MAN2B2: variants seen among roughly 807,000 people sequenced by gnomAD.
MAN2B2 encodes the protein mannosidase alpha class 2B member 2.
MAN2B2 carries 106 observed loss-of-function variants against 117.1 expected under a neutral mutation model. The ratio of observed to expected loss-of-function variants is 0.90; its 90% CI spans 0.77 to 1.06. The LOEUF is 1.06. Among genes scored for constraint, MAN2B2 ranks in the 50% least tolerant of loss-of-function variants. The probability of loss-of-function intolerance (pLI) is 0.00; values close to 1 mark genes in which losing one functional copy is unlikely to be tolerated. For synonymous variants in MAN2B2, 544 were observed against 595.1 expected (o/e 0.91, Z 1.25); for missense variants, 1,326 against 1,381.4 (o/e 0.96, Z 0.64).
intron 11 of MAN2B2, among the ~76,000 whole-genome samples, chr4:6,608,606 CATGATGTCA>C (rs1727637105): frequency 6.6e-6 from 1 of 152,178 alleles, no homozygotes; most frequent in Non-Finnish European, 1.5e-5. Flanking sequence ...ATCTTGGGTA[CATGATGTCA>C]CAACTTCCAG....
rs189924425 is a variant in MAN2B2 at position 6,585,173 on chromosome 4, C to G, written c.392-1823C>G. On this transcript the variant is annotated intron_variant, in intron 3 of 18. Transcript: ENST00000285599. ...TGCTGTGCACCTGATGCCAGCCCCA[C>G]TCCTCACCTCCCACAGTCATCCCCT... is the stretch of plus-strand genomic sequence containing the variant. Among the ~76,000 whole-genome samples, 28 of 152,302 alleles carry G rather than the reference C, an allele frequency of 1.8e-4. No homozygotes were observed. In the East Asian group the frequency reaches 5.2e-3, roughly 28 times the overall value.
intron 4 of MAN2B2, 102 bp downstream of exon 4, chr4:6,587,270 G>A (rs1470826929): frequency 9.9e-6 from 14 of 1,407,362 alleles, no homozygotes; most frequent in East Asian, 2.4e-5. Flanking sequence ...CGAAGTGTTC[G>A]GAAATTCTTG....
chr4:6,593,145 T>C, intron 5 of MAN2B2, 28 bp from the exon 6 acceptor site: 1 of 1,608,236 alleles, frequency 6.2e-7, no homozygotes, highest in Non-Finnish European at 8.5e-7. Flanking sequence ...GTTCGTGTCT[T>C]CTGCCCTAAC....
At chr4:6,588,563 A>G (rs1726732755) in intron 4 of MAN2B2, among the ~76,000 whole-genome samples, 1 of 152,074 alleles carries the variant, frequency 6.6e-6, no homozygotes, top group Admixed American at 6.6e-5. Context: ...AAAAATACAA[A>G]AATTAGCCGG....
At position 6,609,848 on chromosome 4, in the gene MAN2B2, A is replaced by G. The variant is rs1398278145; in HGVS notation, c.2057A>G (p.His686Arg). 3 of 1,614,076 alleles carry G rather than the reference A, an allele frequency of 1.9e-6. No homozygotes were observed. The highest frequency in any genetic ancestry group is 4.5e-5 in the East Asian group (2 of 44,880). The change falls in exon 13 of 19, where the codon CAT becomes CGT. Residue 686 changes from histidine (H) to arginine (R), a missense_variant. Transcript: ENST00000285599. ...TATGCAATCCGCTCCCGGCTCACCC[A>G]TGTGCCGCAGGGCCATGACGGGGAG... ...YTYAIRSRLTHVPQGHDGELL... is the reference protein window; with the variant it reads ...YTYAIRSRLTRVPQGHDGELL...
intron 16 of MAN2B2, among the ~76,000 whole-genome samples, chr4:6,616,576 C>CA (rs1226613536): frequency 2.0e-5 from 3 of 152,288 alleles, no homozygotes; most frequent in African/African-American, 7.2e-5. Context: ...CTCACCATGG[C>CA]AAGAAAAAGC....
intron 3 of MAN2B2, among the ~76,000 whole-genome samples, chr4:6,581,965 CG>C (rs1425826343): frequency 7.2e-5 from 11 of 151,992 alleles, no homozygotes; most frequent in Non-Finnish European, 1.2e-4. Context: ...CAGCGGCCCC[CG>C]GGGGTAAGAG....
intron 17 of MAN2B2, chr4:6,617,870 C>G (rs11736458): frequency 0.091 from 19,023 of 208,016 alleles, 1,048 homozygotes; most frequent in Middle Eastern, 0.13. Flanking sequence ...TTTTTGAGAC[C>G]GAGTTTCGCT....
rs1382062276 is a variant in MAN2B2, at chr4:6,600,742, C to A, written c.1525C>A (p.Pro509Thr). The A allele has an allele frequency of 6.2e-7, 1 of 1,613,564 alleles. No homozygotes were observed. Among genetic ancestry groups the A allele is most frequent in the Non-Finnish European group, 8.5e-7 (1 of 1,180,028 alleles). Reference sequence around the variant, plus strand: ...CCGCGTCACAGATGAGGCGGGCCACCCAGTGCCCTCGCAGGTATGGACACA... The same window carrying A: ...CCGCGTCACAGATGAGGCGGGCCACACAGTGCCCTCGCAGGTATGGACACA... ...GVRVTDEAGH[P>T]VPSQIQNSTE... is the part of the protein sequence containing the mutation. The change falls in exon 10 of 19, where the codon CCA becomes ACA. Residue 509 changes from proline (P) to threonine (T), a missense_variant. Pro to Thr is a conservative substitution (Grantham distance 38, BLOSUM62 -1). Transcript: ENST00000285599.
intron 6 of MAN2B2, among the ~76,000 whole-genome samples, chr4:6,593,632 T>A (rs1726949189): frequency 6.6e-6 from 1 of 152,154 alleles, no homozygotes; most frequent in African/African-American, 2.4e-5. Flanking sequence ...ACTGCGTGCC[T>A]TAGAGTCCAT....
At chr4:6,599,521 G>A (rs868066791) in intron 9 of MAN2B2, among the ~76,000 whole-genome samples, 12 of 152,192 alleles carry the variant, frequency 7.9e-5, no homozygotes, top group African/African-American at 2.2e-4. Context: ...AAAATGAGCC[G>A]GGTGTGGTGG....
intron 11 of MAN2B2, among the ~76,000 whole-genome samples, chr4:6,607,934 G>A (rs974378190): frequency 6.6e-6 from 1 of 152,176 alleles, no homozygotes; most frequent in African/African-American, 2.4e-5. Flanking sequence ...TCTCGTGGGC[G>A]AGAAGTGGCA....
chr4:6,586,931 G>T (rs978884050), intron 3 of MAN2B2, 65 bp from the exon 4 acceptor site: 1 of 1,514,834 alleles, frequency 6.6e-7, no homozygotes, highest in East Asian at 2.3e-5. Context: ...CCCCTGGGGT[G>T]AGGATGGGGC....
chr4:6,612,933 C>A (rs995915769), intron 15 of MAN2B2, among the ~76,000 whole-genome samples: 5 of 152,228 alleles, frequency 3.3e-5, no homozygotes, highest in Admixed American at 3.3e-4. Context: ...TGTCCTTGTT[C>A]GTCTCTCACC....
At chr4:6,583,510 C>A (rs746698224) in intron 3 of MAN2B2, among the ~76,000 whole-genome samples, 1 of 152,208 alleles carries the variant, frequency 6.6e-6, no homozygotes, top group Non-Finnish European at 1.5e-5. Context: ...CTCAGGAATG[C>A]TTTCTGCTGG....
At chr4:6,600,480 G>GC (rs1727283815) in intron 9 of MAN2B2, 143 bp from the exon 10 acceptor site, 1 of 931,502 alleles carries the variant, frequency 1.1e-6, no homozygotes, top group African/African-American at 1.6e-5. Flanking sequence ...CTGTTGGCCT[G>GC]CCCCCTTCCT....
chr4:6,589,997 T>G (rs938157167), intron 5 of MAN2B2, among the ~76,000 whole-genome samples: 1 of 151,662 alleles, frequency 6.6e-6, no homozygotes, highest in African/African-American at 2.4e-5. Context: ...AATCCAGGAG[T>G]TGGAGGCTAC....
At chr4:6,588,910 G>A (rs1212774225) in intron 4 of MAN2B2, 135 bp from the exon 5 acceptor site, 4 of 647,642 alleles carry the variant, frequency 6.2e-6, no homozygotes, top group Non-Finnish European at 1.1e-5. Context: ...GAAACGGCAG[G>A]GGAGAGCTCA....
At chr4:6,579,129 CCACCACCACCATCACCACCACCAT>C (rs1726233702) in intron 3 of MAN2B2, among the ~76,000 whole-genome samples, 1 of 67,274 alleles carries the variant, frequency 1.5e-5, no homozygotes, top group Admixed American at 1.5e-4. Flanking sequence ...ACCACTACCA[CCACCACCACCATCACCACCACCAT>C]CACCATCACC....
Sources: allele counts gnomAD v4.1 joint callset (sites outside exome capture counted in the v4.1 genomes callset), GRCh38; gene constraint gnomAD v4.1.1; transcripts MANE v1.5; gene names NCBI Gene and HGNC (gene_info 2026-07-23, HGNC 2026-07-21).